Variants in ESR1 observed in about 807,000 individuals in gnomAD.
ESR1 encodes estrogen receptor 1.
A neutral mutation model predicts 52.7 loss-of-function variants in ESR1; 12 were observed. That is an observed-to-expected ratio of 0.23 (90% CI 0.15 to 0.37). The LOEUF is 0.37. Among genes scored for constraint, ESR1 ranks in the 10% least tolerant of loss-of-function variants. The pLI is 1.00. For synonymous variants in ESR1, 305 were observed against 316.8 expected, an observed-to-expected ratio of 0.96 and a Z score of 0.39; for missense variants, 584 against 779.7, an observed-to-expected ratio of 0.75 and a Z score of 2.99.
At chr6:151,822,410 A>G (rs1382969790) in intron 1 of ESR1, among the ~76,000 whole-genome samples, 2 of 152,182 alleles carry the variant, frequency 1.3e-5, no homozygotes, top group African/African-American at 4.8e-5. Flanking sequence ...TCCTCTAAGG[A>G]GCTGAAAACA....
intron 5 of ESR1, among the ~76,000 whole-genome samples, chr6:152,041,975 T>C (rs1476784179): frequency 1.3e-5 from 2 of 152,210 alleles, no homozygotes; most frequent in Non-Finnish European, 2.9e-5. Context: ...AAGCTTACAA[T>C]AATCCACTGT....
chr6:151,931,609 C>T (rs1351221711), intron 3 of ESR1, among the ~76,000 whole-genome samples: 1 of 127,204 alleles, frequency 7.9e-6, no homozygotes, highest in African/African-American at 2.9e-5. Flanking sequence ...CCCCTCCCCC[C>T]ACCCCACAAC....
At chr6:151,752,247 C>A (rs967893886) in intron 2 of ESR1, among the ~76,000 whole-genome samples, 1 of 151,850 alleles carries the variant, frequency 6.6e-6, no homozygotes, top group Non-Finnish European at 1.5e-5. Context: ...CTTAATGTAG[C>A]CTTTTAAAAA....
chr6:152,049,245 T>C (rs1585003058), intron 5 of ESR1, among the ~76,000 whole-genome samples: 4 of 152,364 alleles, frequency 2.6e-5, no homozygotes, highest in Non-Finnish European at 5.9e-5. Context: ...GCATCTGTAA[T>C]AACCAACTCT....
intron 4 of ESR1, chr6:151,984,312 A>T (rs1472650105): frequency 1.3e-5 from 2 of 151,796 alleles, no homozygotes; most frequent in African/African-American, 4.9e-5. Flanking sequence ...ATCTTCTGAG[A>T]TGTATAGGTT....
chr6:151,988,801 G>GTA (rs2040751286), intron 4 of ESR1, among the ~76,000 whole-genome samples: 1 of 151,790 alleles, frequency 6.6e-6, no homozygotes, highest in African/African-American at 2.4e-5. Context: ...GTATATATTT[G>GTA]TATATATAAA....
chr6:151,872,312 T>G (rs1791111740), intron 2 of ESR1, among the ~76,000 whole-genome samples: 1 of 152,224 alleles, frequency 6.6e-6, no homozygotes, highest in South Asian at 2.1e-4. Context: ...CAGATCTTTT[T>G]TTTGATTAAT....
chr6:152,036,620 T>C (rs2045327852), intron 5 of ESR1, among the ~76,000 whole-genome samples: 1 of 152,104 alleles, frequency 6.6e-6, no homozygotes. Flanking sequence ...GGACTGAAAA[T>C]ACTTGTGGAG....
intron 2 of ESR1, among the ~76,000 whole-genome samples, chr6:151,740,285 ATTTTTT>A (rs386408967): frequency 0.038 from 4,079 of 108,004 alleles, 211 homozygotes; most frequent in African/African-American, 0.14. Context: ...TGCCTGGCTA[ATTTTTT>A]TTTTTTTTTT....
chr6:151,708,552 A>T (rs931562620), intron 2 of ESR1, among the ~76,000 whole-genome samples: 1 of 152,062 alleles, frequency 6.6e-6, no homozygotes, highest in Non-Finnish European at 1.5e-5. Flanking sequence ...GATGTTGGAG[A>T]GTATCATTTT....
chr6:152,059,241 TA>T (rs1585049746), intron 5 of ESR1, among the ~76,000 whole-genome samples: 1 of 152,008 alleles, frequency 6.6e-6, no homozygotes, highest in East Asian at 1.9e-4. Flanking sequence ...AATTTAAACA[TA>T]AAAGCATGGA....
chr6:151,778,060 G>A (rs1023697732), intron 2 of ESR1, among the ~76,000 whole-genome samples: 3 of 152,170 alleles, frequency 2.0e-5, no homozygotes, highest in African/African-American at 4.8e-5. Flanking sequence ...TACCCAAGAC[G>A]CAATTGGTTC....
chr6:151,746,093 T>G (rs575952213), intron 2 of ESR1, among the ~76,000 whole-genome samples: 1 of 152,356 alleles, frequency 6.6e-6, no homozygotes, highest in East Asian at 1.9e-4. Flanking sequence ...TATCACATTT[T>G]TTTGTTTATC....
chr6:151,919,591 A>T (rs909129800), intron 3 of ESR1, among the ~76,000 whole-genome samples: 12 of 152,190 alleles, frequency 7.9e-5, no homozygotes, highest in Admixed American at 7.9e-4. Flanking sequence ...CAAATTGTTG[A>T]CCCCATGTCG....
At chr6:151,898,335 T>A (rs1774087055) in intron 3 of ESR1, among the ~76,000 whole-genome samples, 1 of 152,112 alleles carries the variant, frequency 6.6e-6, no homozygotes, top group Admixed American at 6.5e-5. Flanking sequence ...CCAATTATTC[T>A]TAGGTTTGGT....
chr6:151,691,661 A>G (rs1277626369), intron 1 of ESR1, among the ~76,000 whole-genome samples: 1 of 151,748 alleles, frequency 6.6e-6, no homozygotes, highest in Non-Finnish European at 1.5e-5. Context: ...TTGCTGGGAA[A>G]CTCATCTGGT....
intron 3 of ESR1, among the ~76,000 whole-genome samples, chr6:151,943,807 C>T (rs1202695524): frequency 3.3e-5 from 5 of 152,190 alleles, no homozygotes; most frequent in African/African-American, 7.2e-5. Flanking sequence ...ACCTGTTACA[C>T]ACACACCCCT....
At chr6:151,803,403 T>A (rs1777455667), upstream of ESR1, among the ~76,000 whole-genome samples, 1 of 152,112 alleles carries the variant, frequency 6.6e-6, no homozygotes, top group Admixed American at 6.6e-5. Context: ...AAGTGGGGAT[T>A]TAAGGTAGAA....
At chr6:152,036,607 T>C (rs35166236) in intron 5 of ESR1, among the ~76,000 whole-genome samples, 12,145 of 152,208 alleles carry the variant, frequency 0.08, 1,013 homozygotes, top group African/African-American at 0.22. Flanking sequence ...TTTTCTGAAA[T>C]GTGGACTGAA....
Sources: allele counts gnomAD v4.1 joint callset (sites outside exome capture counted in the v4.1 genomes callset), GRCh38; gene constraint gnomAD v4.1.1; transcripts MANE v1.5; gene names NCBI Gene and HGNC (gene_info 2026-07-23, HGNC 2026-07-21).